WWOX: variants seen among roughly 807,000 people sequenced by gnomAD.
The protein encoded by WWOX is WW domain containing oxidoreductase, also known as WW domain-containing oxidoreductase.
WWOX carries 69 observed loss-of-function variants against 46.2 expected under a neutral mutation model. The observed-to-expected ratio is 1.49, with a 90% CI of 1.23 to 1.82. The LOEUF is 1.82. WWOX is among the 40% of genes most tolerant of loss of function. WWOX has a pLI of 0.00. For synonymous variants in WWOX, 359 were observed against 202.6 expected (o/e 1.77, Z -6.56); for missense variants, 919 against 542.6 (o/e 1.69, Z -6.89).
At chr16:78,877,706 C>G (rs1337249285) in intron 8 of WWOX, among the ~76,000 whole-genome samples, 2 of 152,068 alleles carry the variant, frequency 1.3e-5, no homozygotes, top group African/African-American at 2.4e-5. Context: ...AGATTTTTGT[C>G]TCTTTTGCTC....
intron 8 of WWOX, among the ~76,000 whole-genome samples, chr16:78,597,253 T>C (rs17778306): frequency 0.023 from 3,508 of 152,274 alleles, 101 homozygotes; most frequent in East Asian, 0.14. Flanking sequence ...TGCTTTTTCA[T>C]TCCTTCATAT....
At chr16:78,955,505 C>A (rs568105113) in intron 8 of WWOX, among the ~76,000 whole-genome samples, 1 of 152,152 alleles carries the variant, frequency 6.6e-6, no homozygotes, top group Non-Finnish European at 1.5e-5. Context: ...GCGAAGTTCA[C>A]CTCGTGTAAG....
At chr16:78,723,835 C>G (rs898362816) in intron 8 of WWOX, among the ~76,000 whole-genome samples, 1 of 151,922 alleles carries the variant, frequency 6.6e-6, no homozygotes, top group African/African-American at 2.4e-5. Context: ...TAACAGATAA[C>G]CCCCAAATTT....
At chr16:78,998,029 A>C (rs974788597) in intron 8 of WWOX, among the ~76,000 whole-genome samples, 1 of 152,064 alleles carries the variant, frequency 6.6e-6, no homozygotes, top group African/African-American at 2.4e-5. Flanking sequence ...GGCATGCGCC[A>C]CCATACCTAG....
chr16:78,627,139 G>C (rs1053229369), intron 8 of WWOX, among the ~76,000 whole-genome samples: 1 of 151,926 alleles, frequency 6.6e-6, no homozygotes, highest in Non-Finnish European at 1.5e-5. Flanking sequence ...AATCATACTA[G>C]AGCAGTAGGC....
intron 1 of WWOX, chr16:78,100,283 T>C (rs2031679677): frequency 9.4e-7 from 1 of 1,065,676 alleles, no homozygotes; most frequent in Non-Finnish European, 1.2e-6. Flanking sequence ...AGACCGGTAT[T>C]GCTCAGTCAT....
In WWOX at chr16:78,833,336, A is replaced by G. The variant is rs73577472; in HGVS notation, c.1057-378272A>G. Reference sequence around the variant, plus strand: ...CACTGGGATGACAAGCTCTTTCTTTATACCAGTCCTCAACTTGCACTCTTT... The same window carrying G: ...CACTGGGATGACAAGCTCTTTCTTTGTACCAGTCCTCAACTTGCACTCTTT... On this transcript the variant is annotated intron_variant, in intron 8 of 8. Transcript: ENST00000566780. Among the ~76,000 whole-genome samples, 102 of 151,876 alleles carry G rather than the reference A, an allele frequency of 6.7e-4. 1 individual carries two copies. The highest frequency in any genetic ancestry group is 2.3e-3 in the African/African-American group (96 of 41,422).
intron 8 of WWOX, among the ~76,000 whole-genome samples, chr16:78,564,575 A>G (rs1235131273): frequency 6.6e-6 from 1 of 152,210 alleles, no homozygotes; most frequent in Non-Finnish European, 1.5e-5. Flanking sequence ...CAGAGGTCTC[A>G]TATCAAGAAA....
At chr16:79,158,506 C>G (rs964969319) in intron 8 of WWOX, among the ~76,000 whole-genome samples, 1 of 152,154 alleles carries the variant, frequency 6.6e-6, no homozygotes, top group African/African-American at 2.4e-5. Context: ...AAATACAACT[C>G]CTTATCCTGT....
chr16:78,459,272 G>A (rs2083897267), intron 8 of WWOX, among the ~76,000 whole-genome samples: 1 of 152,174 alleles, frequency 6.6e-6, no homozygotes, highest in Non-Finnish European at 1.5e-5. Flanking sequence ...GTGGTGTAAT[G>A]CCCTTTTCAC....
At chr16:79,196,020 C>G (rs745617783) in intron 8 of WWOX, among the ~76,000 whole-genome samples, 2 of 152,190 alleles carry the variant, frequency 1.3e-5, no homozygotes, top group Non-Finnish European at 2.9e-5. Context: ...ATTTCTAGTA[C>G]TGACGCTTCT....
At chr16:78,691,672 T>C (rs970790076) in intron 8 of WWOX, among the ~76,000 whole-genome samples, 4 of 152,116 alleles carry the variant, frequency 2.6e-5, no homozygotes, top group African/African-American at 9.7e-5. Flanking sequence ...GCTGCCACTG[T>C]ACTCCAGCCT....
chr16:79,057,168 T>C (rs1052370070), intron 8 of WWOX, among the ~76,000 whole-genome samples: 40 of 152,154 alleles, frequency 2.6e-4, no homozygotes, highest in Admixed American at 2.6e-3. Flanking sequence ...TGGAGGGTAG[T>C]GTGAAGTGGC....
rs890493566 is a variant in WWOX at position 79,126,772 on chromosome 16, G to T, written c.1057-84836G>T. On this transcript the variant is annotated intron_variant, in intron 8 of 8. Transcript: ENST00000566780. ...GTTAGACTAAGAAATTTAGACTCCA[G>T]CCTACATAAATTTAGACTCCATGCA... Among the ~76,000 whole-genome samples the T allele has an allele frequency of 3.9e-5, 6 of 152,134 alleles. No individual in the cohort carries two copies. In the South Asian group the frequency reaches 1.2e-3, roughly 31 times the overall value.
At chr16:78,468,832 T>G (rs535973727) in intron 8 of WWOX, among the ~76,000 whole-genome samples, 1 of 152,322 alleles carries the variant, frequency 6.6e-6, no homozygotes, top group South Asian at 2.1e-4. Flanking sequence ...TAATTCCATA[T>G]TATATTACAC....
chr16:78,384,092 T>A (rs757461018), intron 5 of WWOX, among the ~76,000 whole-genome samples: 2 of 152,174 alleles, frequency 1.3e-5, no homozygotes, highest in Non-Finnish European at 2.9e-5. Context: ...CTGGGAATGT[T>A]CTTCCTGTTT....
chr16:78,723,915 T>C (rs1487258683), intron 8 of WWOX, among the ~76,000 whole-genome samples: 1 of 152,078 alleles, frequency 6.6e-6, no homozygotes, highest in East Asian at 1.9e-4. Context: ...CTAGTTTGGA[T>C]TATTTGAGGA....
intron 8 of WWOX, among the ~76,000 whole-genome samples, chr16:79,168,433 C>T (rs945356852): frequency 6.6e-6 from 1 of 152,146 alleles, no homozygotes; most frequent in African/African-American, 2.4e-5. Context: ...GGAGTGTTCT[C>T]AGGTAACTAT....
chr16:78,715,871 A>AC (rs1404531421), intron 8 of WWOX, among the ~76,000 whole-genome samples: 1 of 152,014 alleles, frequency 6.6e-6, no homozygotes, highest in African/African-American at 2.4e-5. Flanking sequence ...GTGTCACATG[A>AC]CCCCTGAGCT....
Sources: allele counts gnomAD v4.1 joint callset (sites outside exome capture counted in the v4.1 genomes callset), GRCh38; gene constraint gnomAD v4.1.1; transcripts MANE v1.5; gene names NCBI Gene and HGNC (gene_info 2026-07-23, HGNC 2026-07-21).